The following EPHB1 variants were observed in gnomAD, a reference collection of about 807,000 sequenced individuals.
EPHB1 encodes the protein EPH receptor B1.
EPHB1 carries 30 observed loss-of-function variants against 94.4 expected under a neutral mutation model. That is an observed-to-expected ratio of 0.32 (90% CI 0.24 to 0.43). The LOEUF (loss-of-function observed/expected upper bound fraction) is 0.43, where lower values mean the gene tolerates loss of function less well. Among genes scored for constraint, EPHB1 ranks in the 20% least tolerant of loss-of-function variants. The pLI, the probability that EPHB1 is intolerant of heterozygous loss-of-function variation, is 1.00. For missense variants in EPHB1, 1,055 were observed against 1,308.3 expected (o/e 0.81, Z 2.99); for synonymous variants, 522 against 489.1 (o/e 1.07, Z -0.89).
At chr3:135,199,305 G>A (rs771864819) in intron 11 of EPHB1, among the ~76,000 whole-genome samples, 4 of 152,164 alleles carry the variant, frequency 2.6e-5, no homozygotes, top group Non-Finnish European at 5.9e-5. Context: ...TTCTGAAGAA[G>A]CAAATCCCCA....
intron 11 of EPHB1, among the ~76,000 whole-genome samples, chr3:135,196,289 TAGG>T (rs887858100): frequency 2.0e-5 from 3 of 152,176 alleles, no homozygotes; most frequent in African/African-American, 7.2e-5. Flanking sequence ...GTAGGTTGCC[TAGG>T]GCCTGTTTTC....
chr3:134,936,695 G>A (rs1410537581), intron 2 of EPHB1, among the ~76,000 whole-genome samples: 1 of 152,240 alleles, frequency 6.6e-6, no homozygotes, highest in Non-Finnish European at 1.5e-5. Flanking sequence ...GGTGGAGACA[G>A]GCATGTCCAA....
At chr3:135,030,851 G>C (rs1936420663) in intron 3 of EPHB1, among the ~76,000 whole-genome samples, 2 of 152,180 alleles carry the variant, frequency 1.3e-5, no homozygotes, top group African/African-American at 4.8e-5. Context: ...TTTGATCTCA[G>C]ACTGCTGTGC....
At chr3:135,156,134 A>G (rs1184166211) in intron 6 of EPHB1, among the ~76,000 whole-genome samples, 2 of 152,078 alleles carry the variant, frequency 1.3e-5, no homozygotes, top group African/African-American at 4.8e-5. Flanking sequence ...CACTGTGGGT[A>G]GAGCATATCT....
At chr3:135,159,918 C>A (rs929436316) in intron 6 of EPHB1, among the ~76,000 whole-genome samples, 2 of 152,220 alleles carry the variant, frequency 1.3e-5, no homozygotes, top group Non-Finnish European at 2.9e-5. Flanking sequence ...ATGTTTAATT[C>A]TGTTCTCACT....
At chr3:135,085,482 A>T (rs1559823837) in intron 3 of EPHB1, among the ~76,000 whole-genome samples, 1 of 152,234 alleles carries the variant, frequency 6.6e-6, no homozygotes, top group East Asian at 1.9e-4. Context: ...CCCAACTGGA[A>T]TCACCCACCT....
chr3:135,215,040 G>T (rs1314183691), intron 12 of EPHB1, among the ~76,000 whole-genome samples: 1 of 152,150 alleles, frequency 6.6e-6, no homozygotes, highest in Non-Finnish European at 1.5e-5. Flanking sequence ...AACATGCTAG[G>T]ACAAGTTCCG....
intron 15 of EPHB1, among the ~76,000 whole-genome samples, chr3:135,257,558 G>A (rs1352469321): frequency 6.6e-6 from 1 of 152,050 alleles, no homozygotes; most frequent in Non-Finnish European, 1.5e-5. Flanking sequence ...ACCCACCTGA[G>A]GAGGCAGTCT....
chr3:135,133,452 G>A (rs1940499827), intron 5 of EPHB1, among the ~76,000 whole-genome samples: 1 of 152,200 alleles, frequency 6.6e-6, no homozygotes, highest in Admixed American at 6.5e-5. Flanking sequence ...TAGGTGGACA[G>A]ATGGATGGAC....
At chr3:135,140,476 G>T (rs946882013) in intron 5 of EPHB1, among the ~76,000 whole-genome samples, 1 of 152,240 alleles carries the variant, frequency 6.6e-6, no homozygotes, top group African/African-American at 2.4e-5. Flanking sequence ...ATACATGAAT[G>T]AATGCTTCAG....
At chr3:134,885,486 T>C (rs2037844269) in intron 1 of EPHB1, among the ~76,000 whole-genome samples, 2 of 152,200 alleles carry the variant, frequency 1.3e-5, no homozygotes, top group Admixed American at 1.3e-4. Context: ...TGCAGGAAAC[T>C]AAATATGCCA....
chr3:134,942,665 A>C (rs2039143128), intron 2 of EPHB1, among the ~76,000 whole-genome samples: 1 of 152,160 alleles, frequency 6.6e-6, no homozygotes, highest in African/African-American at 2.4e-5. Context: ...TTGGTGATGC[A>C]CTCCATGGTG....
chr3:135,156,272 T>G (rs1339701273), intron 6 of EPHB1, among the ~76,000 whole-genome samples: 1 of 151,956 alleles, frequency 6.6e-6, no homozygotes, highest in Non-Finnish European at 1.5e-5. Context: ...GGTGAAGATA[T>G]CCACCTGGGA....
intron 1 of EPHB1, among the ~76,000 whole-genome samples, chr3:134,887,202 T>C (rs758319692): frequency 6.6e-6 from 1 of 152,208 alleles, no homozygotes; most frequent in Non-Finnish European, 1.5e-5. Flanking sequence ...GGTCTGGCAG[T>C]TGGCGCTGGC....
At chr3:134,832,593 T>A (rs1318476314) in intron 1 of EPHB1, among the ~76,000 whole-genome samples, 2 of 152,234 alleles carry the variant, frequency 1.3e-5, no homozygotes, top group Admixed American at 1.3e-4. Context: ...ACTGAAAACC[T>A]TAAATACCTG....
At chr3:134,954,037 G>T (rs1427935243) in intron 3 of EPHB1, among the ~76,000 whole-genome samples, 2 of 152,204 alleles carry the variant, frequency 1.3e-5, no homozygotes, top group Non-Finnish European at 2.9e-5. Context: ...AGGAAATGGG[G>T]AACCCATGGC....
chr3:134,983,278 T>C (rs1934477678), intron 3 of EPHB1, among the ~76,000 whole-genome samples: 1 of 152,252 alleles, frequency 6.6e-6, no homozygotes, highest in Non-Finnish European at 1.5e-5. Context: ...TAGTGACTAC[T>C]GTGTTGGCAA....
intron 1 of EPHB1, among the ~76,000 whole-genome samples, chr3:134,806,948 CCT>C (rs1245357188): frequency 6.6e-6 from 1 of 152,134 alleles, no homozygotes. Context: ...GAAGGGAGGC[CCT>C]CTCTGTCTGT....
chr3:135,183,936 A>G (rs1326260216), intron 10 of EPHB1, among the ~76,000 whole-genome samples: 1 of 152,230 alleles, frequency 6.6e-6, no homozygotes, highest in African/African-American at 2.4e-5. Context: ...TGAATCCTAT[A>G]AATGCTGTGC....
Sources: gnomAD v4.1 joint callset for allele counts (sites outside exome capture counted in the v4.1 genomes callset) on GRCh38, gnomAD v4.1.1 for gene constraint, MANE v1.5 for transcripts, NCBI Gene and HGNC (gene_info 2026-07-23, HGNC 2026-07-21) for gene names.